KIAA0825: variants seen among roughly 807,000 people sequenced by gnomAD.
KIAA0825 encodes KIAA0825.
KIAA0825 carries 119 observed loss-of-function variants against 147.6 expected under a neutral mutation model. The ratio of observed to expected loss-of-function variants is 0.81; its 90% CI spans 0.69 to 0.94. The LOEUF (loss-of-function observed/expected upper bound fraction) is 0.94. Among genes scored for constraint, KIAA0825 ranks in the 40% least tolerant of loss-of-function variants. The pLI is 0.00. For synonymous variants in KIAA0825, 470 were observed against 518.1 expected (o/e 0.91, Z 1.26); for missense variants, 1,381 against 1,472.7 (o/e 0.94, Z 1.02).
chr5:94,164,045 C>T (rs1384631212), intron 20 of KIAA0825, among the ~76,000 whole-genome samples: 1 of 152,210 alleles, frequency 6.6e-6, no homozygotes, highest in Non-Finnish European at 1.5e-5. Flanking sequence ...CAATGAGTCA[C>T]ATTTTAGAAC....
intron 20 of KIAA0825, among the ~76,000 whole-genome samples, chr5:94,295,638 A>C (rs968149266): frequency 5.5e-4 from 84 of 152,174 alleles, no homozygotes; most frequent in African/African-American, 1.9e-3. Flanking sequence ...TGTTGATGCT[A>C]TTCCTTTCTG....
chr5:94,157,950 A>T (rs751854653), intron 20 of KIAA0825, among the ~76,000 whole-genome samples: 1 of 152,126 alleles, frequency 6.6e-6, no homozygotes, highest in Non-Finnish European at 1.5e-5. Flanking sequence ...CCAACACCAG[A>T]CAGATGAGGA....
chr5:94,360,619 T>C (rs376899103), intron 20 of KIAA0825, among the ~76,000 whole-genome samples: 70 of 152,328 alleles, frequency 4.6e-4, no homozygotes, highest in African/African-American at 1.6e-3. Flanking sequence ...AAGACACTCC[T>C]ACCAGTGCTG....
intron 2 of KIAA0825, among the ~76,000 whole-genome samples, chr5:94,551,812 CT>C (rs1436778544): frequency 1.3e-5 from 2 of 151,816 alleles, no homozygotes; most frequent in African/African-American, 4.8e-5. Context: ...AGGAATCAAA[CT>C]TTAACACTAC....
At chr5:94,302,018 CA>C (rs1778435612) in intron 20 of KIAA0825, among the ~76,000 whole-genome samples, 1 of 152,122 alleles carries the variant, frequency 6.6e-6, no homozygotes, top group African/African-American at 2.4e-5. Context: ...AACTGAAAGG[CA>C]TAAAAGGTGA....
chr5:94,569,285 C>G (rs908260081), intron 2 of KIAA0825: 2 of 294,234 alleles, frequency 6.8e-6, no homozygotes, highest in African/African-American at 4.4e-5. Flanking sequence ...ATTATACCCC[C>G]TAAATAAATT....
intron 20 of KIAA0825, among the ~76,000 whole-genome samples, chr5:94,232,281 T>G (rs1053048246): frequency 2.0e-5 from 3 of 152,134 alleles, no homozygotes; most frequent in Admixed American, 2.0e-4. Flanking sequence ...TATACCTTTG[T>G]GAGGCTATAT....
intron 20 of KIAA0825, among the ~76,000 whole-genome samples, chr5:94,359,529 G>A (rs190659145): frequency 5.9e-5 from 9 of 152,188 alleles, no homozygotes; most frequent in African/African-American, 1.7e-4. Context: ...GGCCGAGATG[G>A]GATGATTGCT....
intron 2 of KIAA0825, chr5:94,569,418 C>A: frequency 2.5e-6 from 1 of 401,984 alleles, no homozygotes; most frequent in Non-Finnish European, 4.6e-6. Flanking sequence ...GAAAACCCCA[C>A]AAACCCCATT....
chr5:94,551,677 T>G (rs1775562957), intron 2 of KIAA0825, among the ~76,000 whole-genome samples: 1 of 151,998 alleles, frequency 6.6e-6, no homozygotes, highest in African/African-American at 2.4e-5. Flanking sequence ...GGAAACTCAT[T>G]GACATATATT....
chr5:94,250,579 G>T (rs1414805939), intron 20 of KIAA0825, among the ~76,000 whole-genome samples: 2 of 152,086 alleles, frequency 1.3e-5, no homozygotes, highest in Non-Finnish European at 2.9e-5. Flanking sequence ...GAATTAACCG[G>T]AAGCTCATGT....
At chr5:94,293,956 G>GT (rs530639474) in intron 20 of KIAA0825, among the ~76,000 whole-genome samples, 179 of 150,384 alleles carry the variant, frequency 1.2e-3, no homozygotes, top group African/African-American at 3.2e-3. Flanking sequence ...GTTTGTTTTT[G>GT]TTTTTTTTGC....
intron 2 of KIAA0825, chr5:94,568,613 T>G (rs1779219470): frequency 6.6e-6 from 1 of 152,328 alleles, no homozygotes. Flanking sequence ...AGGCATCACC[T>G]TCCTAGGACT....
At chr5:94,200,142 T>A (rs1348314045) in intron 20 of KIAA0825, among the ~76,000 whole-genome samples, 1 of 152,182 alleles carries the variant, frequency 6.6e-6, no homozygotes, top group Non-Finnish European at 1.5e-5. Context: ...CCATGCAAAC[T>A]GGAGTTCTGT....
chr5:94,612,275 G>C (rs1005807456), intron 1 of KIAA0825, among the ~76,000 whole-genome samples: 1 of 152,202 alleles, frequency 6.6e-6, no homozygotes, highest in Non-Finnish European at 1.5e-5. Flanking sequence ...AAATGTATTT[G>C]TAAGTTTTAG....
chr5:94,395,713 G>A (rs577704126), intron 17 of KIAA0825, among the ~76,000 whole-genome samples: 11 of 152,152 alleles, frequency 7.2e-5, no homozygotes, highest in African/African-American at 1.9e-4. Context: ...TTTTATATCC[G>A]TTAATTCCTT....
chr5:94,569,059 C>T (rs1423331825), intron 2 of KIAA0825: 5 of 169,482 alleles, frequency 3.0e-5, no homozygotes, highest in South Asian at 1.8e-4. Context: ...AGGATCCTCC[C>T]GAATCAATGC....
chr5:94,370,103 A>G (rs1466614770), intron 20 of KIAA0825, among the ~76,000 whole-genome samples: 1 of 152,204 alleles, frequency 6.6e-6, no homozygotes, highest in Non-Finnish European at 1.5e-5. Context: ...TGTCCTTTAA[A>G]AGGTGAATAG....
chr5:94,611,857 G>A (rs1233348184), intron 1 of KIAA0825: 1 of 151,976 alleles, frequency 6.6e-6, no homozygotes, highest in African/African-American at 2.4e-5. Context: ...GAGGTGGGAG[G>A]ATCCCTTGAG....
Sources: allele counts gnomAD v4.1 joint callset (sites outside exome capture counted in the v4.1 genomes callset), GRCh38; gene constraint gnomAD v4.1.1; transcripts MANE v1.5; gene names NCBI Gene and HGNC (gene_info 2026-07-23, HGNC 2026-07-21).